SHMT2: variants seen among roughly 807,000 people sequenced by gnomAD.
SHMT2 encodes serine hydroxymethyltransferase, mitochondrial.
A neutral mutation model predicts 59.6 loss-of-function variants in SHMT2; 38 were observed. The observed-to-expected ratio is 0.64, with a 90% CI of 0.49 to 0.84. The LOEUF (loss-of-function observed/expected upper bound fraction) is 0.84, where lower values mean the gene tolerates loss of function less well. Ranked by LOEUF, SHMT2 falls within the 40% of genes least tolerant of loss-of-function variation. SHMT2 has a pLI of 0.00. For synonymous variants in SHMT2, 254 were observed against 258.1 expected, an observed-to-expected ratio of 0.98 and a Z score of 0.15; for missense variants, 533 against 659.5, an observed-to-expected ratio of 0.81 and a Z score of 2.10.
At chr12:57,230,493 C>T in intron 1 of SHMT2, 1 of 1,250,582 alleles carries the variant, frequency 8.0e-7, no homozygotes, top group Non-Finnish European at 1.0e-6. Flanking sequence ...ATCTCAGTTG[C>T]CCTCTCTGGA....
At chr12:57,229,891 G>T (rs994927324) in intron 1 of SHMT2, 80 bp downstream of exon 1, 12 of 1,585,168 alleles carry the variant, frequency 7.6e-6, no homozygotes, top group Admixed American at 1.8e-5. Flanking sequence ...CACAAACTCT[G>T]GGGTTCTCTT....
chr12:57,233,592 C>G lies in SHMT2; in HGVS notation c.1053C>G (p.Ser351=), dbSNP rs1330093548. The G allele has an allele frequency of 6.2e-7, 1 of 1,613,894 alleles. No individual in the cohort carries two copies. Among genetic ancestry groups the G allele is most frequent in the Non-Finnish European group, 8.5e-7 (1 of 1,179,922 alleles). Residue 351 remains serine, a synonymous_variant, in exon 9 of 12, where the codon TCC becomes TCG. Coordinates refer to ENST00000328923, the MANE Select transcript of SHMT2 (RefSeq NM_005412.6). ...GCACCCCCATGTTCCGGGAGTACTC[C>G]CTGCAGGTTCTGAAGAATGCTCGGG... The part of the protein sequence containing the change: ...QACTPMFREY[S]LQVLKNARAM...
chr12:57,233,791 A>G lies in SHMT2; in HGVS notation c.1166A>G (p.Lys389Arg). 3 of 1,614,228 alleles carry G rather than the reference A, an allele frequency of 1.9e-6. No individual in the cohort carries two copies. The South Asian group carries it at 3.3e-5, about 18-fold the overall frequency. The change falls in exon 10 of 12, where the codon AAG becomes AGG. Residue 389 changes from lysine to arginine, a missense_variant. Lys to Arg is a conservative substitution (Grantham distance 26). Transcript: ENST00000328923. ...NHLVLVDLRP[K>R]GLDGARAERV... ...CTGGTGCTGGTGGACCTGCGGCCCA[A>G]GGGCCTGGATGGAGCTCGGGCTGAG...
At position 57,234,235 on chromosome 12, in the gene SHMT2, C is replaced by G. The variant is rs1207759153; in HGVS notation, c.1389C>G (p.Ala463=). The change falls in exon 12 of 12, where the codon GCC becomes GCG. Residue 463 remains alanine, a splice_region_variant and synonymous_variant. Coordinates refer to ENST00000328923, the MANE Select transcript of SHMT2 (RefSeq NM_005412.6). Reference sequence around the variant, plus strand: ...TGTTTCCTCACCCTCTCTCTCTAGCCAAGCTCCAGGATTTCAAATCCTTCC... The same window carrying G: ...TGTTTCCTCACCCTCTCTCTCTAGCGAAGCTCCAGGATTTCAAATCCTTCC... The part of the protein sequence containing the change: ...NIGLEVKSKT[A]KLQDFKSFLL... The G allele has an allele frequency of 6.2e-7, 1 of 1,611,936 alleles. No homozygotes were observed. The highest frequency in any genetic ancestry group is 1.3e-5 in the African/African-American group (1 of 74,872).
At chr12:57,233,014 G>C in intron 7 of SHMT2, 166 bp from the exon 8 acceptor site, 1 of 1,241,448 alleles carries the variant, frequency 8.1e-7, no homozygotes, top group Non-Finnish European at 1.1e-6. Flanking sequence ...CCTGGCAGGG[G>C]ATTTGTGGAT....
At chr12:57,234,207 A>G (rs2037458415) in intron 11 of SHMT2, 27 bp from the exon 12 acceptor site, 3 of 1,611,260 alleles carry the variant, frequency 1.9e-6, no homozygotes, top group Non-Finnish European at 8.5e-7. Flanking sequence ...AGCTCTGACC[A>G]CTTGTTTCCT....
rs1247786813 is a variant in SHMT2 at position 57,229,800 on chromosome 12, T to C, written c.22T>C (p.Trp8Arg). ...TGCGATGCTGTACTTCTCTTTGTTTTGGGCGGCTCGGGTAAGAATGGGGCT... is the reference window on the plus strand; with the variant it reads ...TGCGATGCTGTACTTCTCTTTGTTTCGGGCGGCTCGGGTAAGAATGGGGCT... The part of the protein sequence containing the change: MLYFSLF[W>R]AARPLQRCGQ... Residue 8 changes from tryptophan to arginine, a missense_variant, in exon 1 of 12, where the codon TGG (tryptophan) becomes CGG (arginine). Trp to Arg is a moderately radical substitution (Grantham distance 101). Transcript: ENST00000328923. The C allele has an allele frequency of 6.8e-6, 11 of 1,614,100 alleles. No individual in the cohort carries two copies. The highest frequency in any genetic ancestry group is 9.3e-6 in the Non-Finnish European group (11 of 1,180,008).
At chr12:57,232,073 T>A in intron 4 of SHMT2, 138 bp from the exon 5 acceptor site, 1 of 1,115,982 alleles carries the variant, frequency 9.0e-7, no homozygotes, top group Non-Finnish European at 1.3e-6. Flanking sequence ...TTATAGTGCC[T>A]ACCACAGAGT....
At position 57,229,878 on chromosome 12, in the gene SHMT2, A is replaced by G; in HGVS notation, c.33+67A>G. ...AAGCTCTTCTCCTACCTTAGTTCCT[A>G]GTCACAAACTCTGGGGTTCTCTTGG... is the stretch of plus-strand genomic sequence containing the variant. On this transcript the variant is annotated intron_variant, in intron 1 of 11. Transcript: ENST00000328923. 2.5e-6 allele frequency: 4 copies of G among 1,598,490 alleles called. No individual in the cohort carries two copies. In the South Asian group the frequency reaches 4.4e-5, roughly 18 times the overall value.
At chr12:57,230,676 G>A in intron 1 of SHMT2, 127 bp from the exon 2 acceptor site, 1 of 1,482,168 alleles carries the variant, frequency 6.7e-7, no homozygotes, top group Non-Finnish European at 9.0e-7. Context: ...GGTGGGGGTA[G>A]TGAGAACTGA....
chr12:57,232,582 G>T lies in SHMT2; in HGVS notation c.717+7G>T, dbSNP rs762366335. 5.6e-6 allele frequency: 9 copies of T among 1,612,158 alleles called. No individual in the cohort carries two copies. Among genetic ancestry groups the T allele is most frequent in the South Asian group, 1.1e-5 (1 of 91,032 alleles). On this transcript the variant is annotated splice_region_variant and intron_variant, in intron 6 of 11. Coordinates refer to ENST00000328923, the MANE Select transcript of SHMT2 (RefSeq NM_005412.6). ...CTACGCCCGCATGAGAGAGGTTGGT[G>T]GGGGGGGCTGGAGACTGGGCACCTC... is the stretch of plus-strand genomic sequence containing the variant.
intron 2 of SHMT2, 88 bp downstream of exon 2, chr12:57,231,088 C>G: frequency 7.7e-7 from 1 of 1,300,022 alleles, no homozygotes; most frequent in Admixed American, 1.9e-5. Flanking sequence ...TCCAAAACCC[C>G]CTTTCACACT....
intron 7 of SHMT2, 101 bp from the exon 8 acceptor site, chr12:57,233,078 GT>G: frequency 1.4e-6 from 2 of 1,380,242 alleles, no homozygotes; most frequent in South Asian, 2.9e-5. Flanking sequence ...CCAAGCCCAC[GT>G]GAGCTGTGCC....
intron 8 of SHMT2, 40 bp from the exon 9 acceptor site, chr12:57,233,523 T>G (rs549952187): frequency 1.9e-6 from 3 of 1,586,120 alleles, no homozygotes; most frequent in South Asian, 2.3e-5. Flanking sequence ...AGGGCTTGGG[T>G]CCAGGCCTAG....
chr12:57,234,228 C>G lies in SHMT2; in HGVS notation c.1388-6C>G. ...GACCACTTGTTTCCTCACCCTCTCT[C>G]TCTAGCCAAGCTCCAGGATTTCAAA... On this transcript the variant is annotated splice_polypyrimidine_tract_variant and splice_region_variant and intron_variant, in intron 11 of 11. Coordinates refer to ENST00000328923, the MANE Select transcript of SHMT2 (RefSeq NM_005412.6). 1 of 1,611,984 alleles carries G rather than the reference C, an allele frequency of 6.2e-7. No homozygotes were observed.
intron 1 of SHMT2, 142 bp from the exon 2 acceptor site, chr12:57,230,661 G>C (rs2037275420): frequency 1.4e-6 from 2 of 1,463,686 alleles, no homozygotes; most frequent in Non-Finnish European, 1.8e-6. Context: ...GCTTTTGAAG[G>C]TGGAGGTGGG....
At chr12:57,233,457 G>T in intron 8 of SHMT2, 106 bp from the exon 9 acceptor site, 1 of 1,505,470 alleles carries the variant, frequency 6.6e-7, no homozygotes. Flanking sequence ...AGGATGGAAG[G>T]AGTCAAGGCT....
chr12:57,231,212 C>G, intron 2 of SHMT2: 1 of 591,648 alleles, frequency 1.7e-6, no homozygotes, highest in Non-Finnish European at 2.9e-6. Context: ...CCTACAGTTT[C>G]ATCTGATCCC....
At position 57,230,308 on chromosome 12, in the gene SHMT2, C is replaced by T. The variant is rs992651405; in HGVS notation, c.34-495C>T. Reference sequence around the variant, plus strand: ...CTCGGGCAGATCCCCACCCCCACCACTCCCACACAGCTCTTCCTCACGGAC... The same window carrying T: ...CTCGGGCAGATCCCCACCCCCACCATTCCCACACAGCTCTTCCTCACGGAC... On this transcript the variant is annotated intron_variant, in intron 1 of 11. Coordinates refer to ENST00000328923, the MANE Select transcript of SHMT2 (RefSeq NM_005412.6). 3 of 1,151,326 alleles carry T rather than the reference C, an allele frequency of 2.6e-6. No individual in the cohort carries two copies. The African/African-American group carries it at 4.9e-5, about 19-fold the overall frequency. 71.3% of individuals were successfully genotyped at this position (1,151,326 alleles called of 1,614,324 possible).
Sources: gnomAD v4.1 joint callset for allele counts on GRCh38, gnomAD v4.1.1 for gene constraint, MANE v1.5 for transcripts, NCBI Gene and HGNC (gene_info 2026-07-23, HGNC 2026-07-21) for gene names.